MSI2: variants seen among roughly 807,000 people sequenced by gnomAD.
MSI2 encodes musashi RNA binding protein 2.
A neutral mutation model predicts 45.6 loss-of-function variants in MSI2; 17 were observed. The observed-to-expected ratio is 0.37, with a 90% confidence interval of 0.26 to 0.56. The LOEUF is 0.56. Ranked by LOEUF, MSI2 falls within the 20% of genes least tolerant of loss-of-function variation. MSI2 has a pLI of 0.77. For missense variants in MSI2, 293 were observed against 444.2 expected (o/e 0.66, Z 3.06); for synonymous variants, 156 against 158.2 (o/e 0.99, Z 0.11).
chr17:57,541,705 A>T lies in MSI2; in HGVS notation c.454+11981A>T, dbSNP rs115085231. Among the ~76,000 whole-genome samples the T allele has an allele frequency of 6.9e-3, 1,049 of 152,286 alleles. 21 individuals are homozygous for T. Among genetic ancestry groups the T allele is most frequent in the African/African-American group, 0.023 (957 of 41,554 alleles). ...GCAGTAATTGATCATTATAGCACTC[A>T]TGTGGATGTGCTTCTCTTAATCCCC... On this transcript the variant is annotated intron_variant, in intron 7 of 13. Transcript: ENST00000284073.
chr17:57,613,018 G>A (rs767356942), intron 8 of MSI2, among the ~76,000 whole-genome samples: 1 of 152,138 alleles, frequency 6.6e-6, no homozygotes, highest in Non-Finnish European at 1.5e-5. Flanking sequence ...CTGGGCTTAG[G>A]AGAGAAACCT....
At chr17:57,454,897 A>G (rs1225577896) in intron 6 of MSI2, among the ~76,000 whole-genome samples, 1 of 152,206 alleles carries the variant, frequency 6.6e-6, no homozygotes, top group Non-Finnish European at 1.5e-5. Context: ...TGCCGCTAGC[A>G]TCATTCCATC....
At chr17:57,487,091 G>A (rs1313552076) in intron 6 of MSI2, among the ~76,000 whole-genome samples, 1 of 152,218 alleles carries the variant, frequency 6.6e-6, no homozygotes, top group East Asian at 1.9e-4. Context: ...AGGCAATATG[G>A]CCCTGAGCAA....
At chr17:57,503,942 G>A (rs2086171184) in intron 6 of MSI2, among the ~76,000 whole-genome samples, 1 of 152,100 alleles carries the variant, frequency 6.6e-6, no homozygotes, top group Non-Finnish European at 1.5e-5. Flanking sequence ...ATGCATGTTG[G>A]TCACGCTGGT....
At chr17:57,483,681 G>T (rs768108447) in intron 6 of MSI2, among the ~76,000 whole-genome samples, 49 of 152,326 alleles carry the variant, frequency 3.2e-4, no homozygotes, top group African/African-American at 1.0e-3. Flanking sequence ...TGTCTCTGAG[G>T]GGGTGGATGC....
At chr17:57,664,036 A>C (rs559244673) in intron 11 of MSI2, among the ~76,000 whole-genome samples, 1 of 152,202 alleles carries the variant, frequency 6.6e-6, no homozygotes, top group East Asian at 1.9e-4. Context: ...GCATAAGAGC[A>C]TAGAAGGCAG....
At chr17:57,334,716 C>T (rs1449489968) in intron 5 of MSI2, among the ~76,000 whole-genome samples, 1 of 151,962 alleles carries the variant, frequency 6.6e-6, no homozygotes, top group Non-Finnish European at 1.5e-5. Context: ...ATCACTTGAA[C>T]CCACGAGGCG....
rs1444107354 is a variant in MSI2, at chr17:57,683,366, GA to G, written c.*3855del. On this transcript the variant is annotated 3_prime_UTR_variant, in exon 14 of 14. Transcript: ENST00000284073. The surrounding 1 kb of genome is among the most constrained non-coding windows in gnomAD (Gnocchi z 5.2). ...TCCTTTTCATTTGGGGGTTTTTGGG[GA>G]AAAAATTTATTTTTGGTTCCAAATA... The G allele has an allele frequency of 8.7e-6, 2 of 230,098 alleles. No individual in the cohort carries two copies. Among genetic ancestry groups the G allele is most frequent in the East Asian group, 1.2e-4 (2 of 16,196 alleles). 14.3% of individuals were successfully genotyped at this position (230,098 alleles called of 1,614,324 possible).
intron 6 of MSI2, among the ~76,000 whole-genome samples, chr17:57,451,713 CA>C (rs2085022704): frequency 1.3e-5 from 2 of 152,240 alleles, no homozygotes; most frequent in Non-Finnish European, 2.9e-5. Context: ...GTTGGAGCTG[CA>C]GATTTTGAGA....
intron 6 of MSI2, among the ~76,000 whole-genome samples, chr17:57,479,839 T>G (rs1300342982): frequency 6.6e-6 from 1 of 152,116 alleles, no homozygotes; most frequent in Non-Finnish European, 1.5e-5. Flanking sequence ...GTATGAGAAG[T>G]GGGAATTTAA....
intron 5 of MSI2, among the ~76,000 whole-genome samples, chr17:57,291,625 G>A (rs763943153): frequency 1.3e-5 from 2 of 152,120 alleles, no homozygotes; most frequent in African/African-American, 2.4e-5. Flanking sequence ...AAGATGGATC[G>A]ACTCTGCTGC....
intron 7 of MSI2, among the ~76,000 whole-genome samples, chr17:57,565,192 A>G (rs1359253299): frequency 4.6e-5 from 7 of 152,072 alleles, no homozygotes; most frequent in Non-Finnish European, 1.0e-4. Flanking sequence ...TTTTTTGTAC[A>G]ATCCACAGTG....
At chr17:57,690,972 T>C in the MSI2 span, among the ~76,000 whole-genome samples, 1 of 152,188 alleles carries the variant, frequency 6.6e-6, no homozygotes, top group African/African-American at 2.4e-5. Context: ...GAGTTAACAT[T>C]TATGTATGGT....
At chr17:57,369,341 G>C (rs2083387746) in intron 5 of MSI2, among the ~76,000 whole-genome samples, 1 of 152,206 alleles carries the variant, frequency 6.6e-6, no homozygotes, top group African/African-American at 2.4e-5. Flanking sequence ...AGCATAATGA[G>C]AGGGGCAGCC....
chr17:57,596,486 C>G lies in MSI2; in HGVS notation c.455-382C>G, dbSNP rs897356346. 6.6e-6 allele frequency among the ~76,000 whole-genome samples: 1 copy of G among 152,208 alleles called. No homozygotes were observed. Among genetic ancestry groups the G allele is most frequent in the Non-Finnish European group, 1.5e-5 (1 of 68,038 alleles). On this transcript the variant is annotated intron_variant, in intron 7 of 13. Transcript: ENST00000284073. The surrounding 1 kb of genome is among the most constrained non-coding windows in gnomAD (Gnocchi z 4.6). ...GACCCGAGGGCTGGCCAGGGCTGCTCGCGGAAAGGGCAAGCGTGGCCCCGC... is the reference window on the plus strand; with the variant it reads ...GACCCGAGGGCTGGCCAGGGCTGCTGGCGGAAAGGGCAAGCGTGGCCCCGC...
intron 7 of MSI2, among the ~76,000 whole-genome samples, chr17:57,536,883 T>C (rs2086932098): frequency 1.3e-5 from 2 of 152,140 alleles, no homozygotes; most frequent in Non-Finnish European, 2.9e-5. Context: ...CAGTTCTCTT[T>C]CCAGAGTGGA....
chr17:57,613,810 G>A (rs1397535873), intron 8 of MSI2, among the ~76,000 whole-genome samples: 2 of 152,166 alleles, frequency 1.3e-5, no homozygotes, highest in Non-Finnish European at 2.9e-5. Flanking sequence ...TCTGTATTAA[G>A]CATATTAGTC....
At chr17:57,328,732 T>C (rs376389612) in intron 5 of MSI2, among the ~76,000 whole-genome samples, 31 of 150,870 alleles carry the variant, frequency 2.1e-4, no homozygotes, top group Admixed American at 5.3e-4. Flanking sequence ...CTTTGAAGAG[T>C]CTTTTTTTTT....
chr17:57,548,882 A>G (rs1004832796), intron 7 of MSI2, among the ~76,000 whole-genome samples: 20 of 149,030 alleles, frequency 1.3e-4, no homozygotes, highest in Admixed American at 1.3e-3. Context: ...CTTACTTCTC[A>G]CTGTTTGTTT....
Sources: allele counts gnomAD v4.1 joint callset (sites outside exome capture counted in the v4.1 genomes callset), GRCh38; gene constraint gnomAD v4.1.1; non-coding constraint Gnocchi (gnomAD v3.1); transcripts MANE v1.5; gene names NCBI Gene and HGNC (gene_info 2026-07-23, HGNC 2026-07-21).